The following CAGE1 variants were observed in gnomAD, a reference collection of about 807,000 sequenced individuals.
CAGE1 encodes cancer antigen 1, also known as cancer-associated gene 1 protein.
CAGE1 carries 66 observed loss-of-function variants against 94.9 expected under a neutral mutation model. The ratio of observed to expected loss-of-function variants is 0.70; its 90% CI spans 0.57 to 0.85. CAGE1 has a LOEUF of 0.85. Among genes scored for constraint, CAGE1 ranks in the 40% least tolerant of loss-of-function variants. CAGE1 has a pLI of 0.00. For missense variants in CAGE1, 865 were observed against 950.4 expected, an observed-to-expected ratio of 0.91 and a Z score of 1.18; for synonymous variants, 319 against 321.0, an observed-to-expected ratio of 0.99 and a Z score of 0.07.
At chr6:7,387,554 C>T (rs999861135) in intron 1 of CAGE1, among the ~76,000 whole-genome samples, 13 of 151,020 alleles carry the variant, frequency 8.6e-5, no homozygotes, top group African/African-American at 2.9e-4. Context: ...TCCACTTGAA[C>T]ACCTCACTAC....
At chr6:7,368,623 A>G (rs1760432278) in intron 7 of CAGE1, 65 bp downstream of exon 7, 2 of 849,880 alleles carry the variant, frequency 2.4e-6, no homozygotes. Context: ...TTACTTCTTC[A>G]CTACCTTTTA....
intron 7 of CAGE1, among the ~76,000 whole-genome samples, chr6:7,368,133 A>G (rs1760413435): frequency 1.3e-5 from 2 of 151,774 alleles, no homozygotes; most frequent in South Asian, 4.2e-4. Flanking sequence ...CACGCCTGTA[A>G]TCCCAGCTAC....
intron 11 of CAGE1, among the ~76,000 whole-genome samples, chr6:7,344,302 C>G (rs1415789610): frequency 6.6e-6 from 1 of 152,206 alleles, no homozygotes; most frequent in Non-Finnish European, 1.5e-5. Context: ...TGGCGGGTCC[C>G]GCACTCGGAG....
At position 7,338,904 on chromosome 6, in the gene CAGE1, G is replaced by T; in HGVS notation, c.2370-4814C>A. ...TTCCCACCCTTCTGTTCTGAGATGG[G>T]GGTGGTGGGCAGTTATCTCATCTTT... On this transcript the variant is annotated intron_variant, in intron 11 of 13. Coordinates refer to ENST00000502583, the MANE Select transcript of CAGE1 (RefSeq NM_001170692.2). 2.0e-6 allele frequency: 3 copies of T among 1,522,780 alleles called. No homozygotes were observed. The South Asian group carries it at 3.4e-5, about 17-fold the overall frequency. The allele number at this position is 1,522,780 out of a possible 1,614,324, so 94.3% of individuals were successfully genotyped here.
chr6:7,344,915 C>T (rs1037724226), intron 11 of CAGE1, among the ~76,000 whole-genome samples: 12 of 152,184 alleles, frequency 7.9e-5, no homozygotes, highest in Non-Finnish European at 5.9e-5. Flanking sequence ...CGTGCAGAAC[C>T]TTTGCGCCTA....
chr6:7,365,328 G>C, intron 9 of CAGE1, 140 bp downstream of exon 9: 1 of 627,686 alleles, frequency 1.6e-6, no homozygotes, highest in African/African-American at 1.8e-5. Flanking sequence ...ATATTATTGT[G>C]GGTAAATAAT....
At chr6:7,358,831 CA>C (rs892779446) in intron 9 of CAGE1, among the ~76,000 whole-genome samples, 2 of 151,450 alleles carry the variant, frequency 1.3e-5, no homozygotes, top group South Asian at 4.2e-4. Context: ...AAACAATAAC[CA>C]AAAAAAACTA....
At chr6:7,335,276 G>C (rs562583620) in intron 11 of CAGE1, among the ~76,000 whole-genome samples, 4 of 152,178 alleles carry the variant, frequency 2.6e-5, no homozygotes, top group Admixed American at 2.0e-4. Flanking sequence ...GCTATATAAG[G>C]TAATGGTCAC....
At chr6:7,345,348 A>G (rs1239267522) in intron 11 of CAGE1, among the ~76,000 whole-genome samples, 1 of 142,586 alleles carries the variant, frequency 7.0e-6, no homozygotes, top group Non-Finnish European at 1.6e-5. Flanking sequence ...AGGATGAAAG[A>G]AACTCTGAAC....
chr6:7,365,371 TA>T, intron 9 of CAGE1, 96 bp downstream of exon 9: 1 of 946,302 alleles, frequency 1.1e-6, no homozygotes, highest in South Asian at 1.6e-5. Context: ...ACCCTTTTTA[TA>T]AGCCAGTTTT....
In CAGE1 at chr6:7,389,394, C is replaced by A. The variant is rs1326545032; in HGVS notation, c.-216G>T. 4.4e-6 allele frequency: 2 copies of A among 450,466 alleles called. No individual in the cohort carries two copies. Among genetic ancestry groups the A allele is most frequent in the African/African-American group, 4.0e-5 (2 of 49,750 alleles). The allele number at this position is 450,466 out of a possible 1,614,324, so 27.9% of individuals were successfully genotyped here. A position where few individuals can be genotyped will look rare whatever the true frequency, so the allele number is the denominator to read the frequency against. The stretch of plus-strand genomic sequence containing the variant: ...TCCAACCTCCTCCACCAAGGACTCT[C>A]ACAAACTCGCAATCGGGCTCCCGGA... On this transcript the variant is annotated 5_prime_UTR_variant, in exon 1 of 14. Coordinates refer to ENST00000502583, the MANE Select transcript of CAGE1 (RefSeq NM_001170692.2).
chr6:7,342,893 T>C (rs1420217649), intron 11 of CAGE1, among the ~76,000 whole-genome samples: 2 of 150,506 alleles, frequency 1.3e-5, no homozygotes, highest in Non-Finnish European at 2.9e-5. Context: ...CAGCACCATT[T>C]GTTGAATAGG....
chr6:7,354,978 G>T, intron 11 of CAGE1, 63 bp downstream of exon 11: 4 of 1,172,472 alleles, frequency 3.4e-6, no homozygotes, highest in Non-Finnish European at 3.7e-6. Context: ...AAAGAATTTA[G>T]AATCCAGAGA....
chr6:7,342,578 C>T (rs1581662964), intron 11 of CAGE1, among the ~76,000 whole-genome samples: 1 of 152,224 alleles, frequency 6.6e-6, no homozygotes, highest in South Asian at 2.1e-4. Flanking sequence ...CTTATCTTCT[C>T]TCCAGTCTAA....
intron 11 of CAGE1, chr6:7,340,906 C>T (rs1022803083): frequency 1.9e-5 from 8 of 421,328 alleles, no homozygotes; most frequent in East Asian, 5.8e-5. Flanking sequence ...GGGGGGAGCT[C>T]GTCTGCAAAG....
rs1759086959 is a variant in CAGE1 at position 7,339,473 on chromosome 6, A to G, written c.2370-5383T>C. The G allele has an allele frequency of 1.1e-6, 1 of 943,112 alleles. No individual in the cohort carries two copies. The highest frequency in any genetic ancestry group is 1.6e-5 in the African/African-American group (1 of 62,102). 58.4% of individuals were successfully genotyped at this position (943,112 alleles called of 1,614,324 possible). A position where few individuals can be genotyped will look rare whatever the true frequency, so the allele number is the denominator to read the frequency against. On this transcript the variant is annotated intron_variant, in intron 11 of 13. Coordinates refer to ENST00000502583, the MANE Select transcript of CAGE1 (RefSeq NM_001170692.2). The surrounding 1 kb of genome is among the most constrained non-coding windows in gnomAD (Gnocchi z 4.7). ...CTCGCATCTCAACTCCAGAGTAGCC[A>G]TCTTCAGCCAGCTCCTGAGTAAGAA...
At chr6:7,343,393 G>C (rs1422418424) in intron 11 of CAGE1, among the ~76,000 whole-genome samples, 1 of 152,120 alleles carries the variant, frequency 6.6e-6, no homozygotes, top group Non-Finnish European at 1.5e-5. Flanking sequence ...ATTTTTAAAA[G>C]AATGTTCAAT....
intron 5 of CAGE1, among the ~76,000 whole-genome samples, chr6:7,370,378 C>A (rs1760498451): frequency 6.6e-6 from 1 of 152,114 alleles, no homozygotes; most frequent in Admixed American, 6.6e-5. Context: ...ACTGCAGCCT[C>A]AAATGCCTAG....
chr6:7,353,925 A>G (rs1759866365), intron 11 of CAGE1, among the ~76,000 whole-genome samples: 1 of 151,788 alleles, frequency 6.6e-6, no homozygotes, highest in Non-Finnish European at 1.5e-5. Context: ...GATATAATGG[A>G]CTCTGGGGAC....
Sources: gnomAD v4.1 joint callset for allele counts (sites outside exome capture counted in the v4.1 genomes callset) on GRCh38, gnomAD v4.1.1 for gene constraint, Gnocchi (gnomAD v3.1) non-coding constraint, MANE v1.5 for transcripts, NCBI Gene and HGNC (gene_info 2026-07-23, HGNC 2026-07-21) for gene names.